The following NSRP1 variants were observed in gnomAD, a reference collection of about 807,000 sequenced individuals.
The protein encoded by NSRP1 is nuclear speckle splicing regulatory protein 1.
NSRP1 carries 24 observed loss-of-function variants against 54.7 expected under a neutral mutation model. That is an observed-to-expected ratio of 0.44 (90% CI 0.32 to 0.62). The LOEUF (loss-of-function observed/expected upper bound fraction) is 0.62, where lower values mean the gene tolerates loss of function less well. Ranked by LOEUF, NSRP1 falls within the 20% of genes least tolerant of loss-of-function variation. The probability of loss-of-function intolerance (pLI) is 0.06; values close to 1 mark genes in which losing one functional copy is unlikely to be tolerated. For synonymous variants in NSRP1, 210 were observed against 213.8 expected (o/e 0.98, Z 0.15); for missense variants, 596 against 651.2 (o/e 0.92, Z 0.92).
chr17:30,167,653 GT>G (rs914948835), intron 2 of NSRP1, among the ~76,000 whole-genome samples: 5 of 151,524 alleles, frequency 3.3e-5, no homozygotes, highest in African/African-American at 4.9e-5. Context: ...AATTGTAGTA[GT>G]TTTTTTTCTC....
chr17:30,178,038 A>AT (rs753303642), intron 3 of NSRP1, 33 bp from the exon 4 acceptor site: 1 of 1,609,062 alleles, frequency 6.2e-7, no homozygotes, highest in Non-Finnish European at 8.5e-7. Flanking sequence ...TGGCTGGCTC[A>AT]TATTTTTGAA....
chr17:30,168,773 T>G (rs1388631335), intron 2 of NSRP1: 1 of 151,886 alleles, frequency 6.6e-6, no homozygotes, highest in African/African-American at 2.4e-5. Flanking sequence ...AGTAAAAGTT[T>G]TACTGCTACT....
At chr17:30,177,930 TTATTTG>T in intron 3 of NSRP1, 135 bp from the exon 4 acceptor site, 1 of 1,008,094 alleles carries the variant, frequency 9.9e-7, no homozygotes, top group East Asian at 2.6e-5. Context: ...GCTCCAGAGT[TTATTTG>T]TATTTCCTAT....
chr17:30,153,059 C>T (rs886310673), intron 2 of NSRP1, among the ~76,000 whole-genome samples: 2 of 151,810 alleles, frequency 1.3e-5, no homozygotes, highest in African/African-American at 4.8e-5. Context: ...GGATTACAGG[C>T]GTGCACCACC....
chr17:30,129,831 T>C (rs1365786731), intron 2 of NSRP1, among the ~76,000 whole-genome samples: 1 of 152,114 alleles, frequency 6.6e-6, no homozygotes, highest in Admixed American at 6.6e-5. Flanking sequence ...TGTTGGGAAA[T>C]TTAGGTTATT....
chr17:30,170,770 G>GC (rs1295441495), intron 2 of NSRP1, among the ~76,000 whole-genome samples: 1 of 152,156 alleles, frequency 6.6e-6, no homozygotes, highest in Non-Finnish European at 1.5e-5. Flanking sequence ...ACCAGGTGGT[G>GC]ATTTCATTTC....
intron 2 of NSRP1, among the ~76,000 whole-genome samples, chr17:30,165,579 G>T (rs1904701775): frequency 6.6e-6 from 1 of 152,174 alleles, no homozygotes; most frequent in Non-Finnish European, 1.5e-5. Context: ...CTTGCCATTT[G>T]ATTATAGCAG....
intron 2 of NSRP1, among the ~76,000 whole-genome samples, chr17:30,157,686 C>T (rs1348313409): frequency 6.6e-6 from 1 of 152,064 alleles, no homozygotes; most frequent in African/African-American, 2.4e-5. Context: ...TTCCCAGTCT[C>T]TGTTATCTAT....
rs1455072281 is a variant in NSRP1 at position 30,118,179 on chromosome 17, G to C, written c.114+6G>C. 6.2e-7 allele frequency: 1 copy of C among 1,609,420 alleles called. No homozygotes were observed. Among genetic ancestry groups the C allele is most frequent in the Non-Finnish European group, 8.5e-7 (1 of 1,176,512 alleles). The stretch of plus-strand genomic sequence containing the variant: ...ATTCTGATGATGATGATGAGGTAAG[G>C]AAACCTATGTTTTACTCGTGCATGG... On this transcript the variant is annotated splice_donor_region_variant and intron_variant, in intron 2 of 6. Transcript: ENST00000247026.
chr17:30,117,158 C>T (rs752122018), intron 1 of NSRP1: 12 of 717,090 alleles, frequency 1.7e-5, no homozygotes, highest in Non-Finnish European at 2.6e-5. Context: ...CTCAGTCTTG[C>T]TTCCTAACCC....
intron 2 of NSRP1, among the ~76,000 whole-genome samples, chr17:30,147,653 C>T (rs986074965): frequency 7.3e-5 from 11 of 151,156 alleles, no homozygotes; most frequent in African/African-American, 1.2e-4. Context: ...TTAGTAGAGA[C>T]GGGGTTTCAC....
chr17:30,119,065 T>C (rs1427767710), intron 2 of NSRP1, among the ~76,000 whole-genome samples: 1 of 151,388 alleles, frequency 6.6e-6, no homozygotes, highest in African/African-American at 2.4e-5. Context: ...GCTTTTCCAA[T>C]ACTCCCATCA....
rs779922149 is a variant in NSRP1, at chr17:30,172,604, G to A, written c.171+6G>A. On this transcript the variant is annotated splice_donor_region_variant and intron_variant, in intron 3 of 6. Coordinates refer to ENST00000247026, the MANE Select transcript of NSRP1 (RefSeq NM_032141.4). ...AGAAGCAGGCCATGAAACAGGTAAG[G>A]TAGAAGACTGGGATAAGTGCATTCA... is the stretch of plus-strand genomic sequence containing the variant. 3.3e-5 allele frequency: 53 copies of A among 1,608,302 alleles called. No individual in the cohort carries two copies. The highest frequency in any genetic ancestry group is 3.9e-5 in the Non-Finnish European group (46 of 1,176,592).
chr17:30,182,802 C>T (rs1391040446), intron 6 of NSRP1, among the ~76,000 whole-genome samples: 4 of 151,764 alleles, frequency 2.6e-5, no homozygotes, highest in East Asian at 1.9e-4. Flanking sequence ...GGCGTGGTGG[C>T]GGGCGCCTGT....
chr17:30,172,620 A>C (rs772465664), intron 3 of NSRP1, 22 bp downstream of exon 3: 2 of 1,588,864 alleles, frequency 1.3e-6, no homozygotes, highest in South Asian at 2.3e-5. Context: ...GACTGGGATA[A>C]GTGCATTCAG....
At chr17:30,171,303 C>CTTTTTTTT in intron 2 of NSRP1, among the ~76,000 whole-genome samples, 1 of 108,368 alleles carries the variant, frequency 9.2e-6, no homozygotes, top group Non-Finnish European at 1.9e-5. Flanking sequence ...TTGTAATTGT[C>CTTTTTTTT]TTTTTTTTTT....
intron 2 of NSRP1, among the ~76,000 whole-genome samples, chr17:30,121,033 T>A (rs2151872532): frequency 6.6e-6 from 1 of 152,176 alleles, no homozygotes; most frequent in South Asian, 2.1e-4. Flanking sequence ...CAGCAAGAAA[T>A]ACAGAATGGC....
chr17:30,177,530 A>G (rs1202072816), intron 3 of NSRP1, among the ~76,000 whole-genome samples: 1 of 152,154 alleles, frequency 6.6e-6, no homozygotes, highest in Non-Finnish European at 1.5e-5. Flanking sequence ...CGCTTGAAAG[A>G]GGAGAAAAAA....
chr17:30,180,600 A>G (rs1905260756), intron 5 of NSRP1, among the ~76,000 whole-genome samples: 1 of 152,228 alleles, frequency 6.6e-6, no homozygotes, highest in Non-Finnish European at 1.5e-5. Flanking sequence ...AAATTTATAA[A>G]TTCATATTTT....
Sources: allele counts gnomAD v4.1 joint callset (sites outside exome capture counted in the v4.1 genomes callset), GRCh38; gene constraint gnomAD v4.1.1; transcripts MANE v1.5; gene names NCBI Gene and HGNC (gene_info 2026-07-23, HGNC 2026-07-21).